The following CFAP20DC variants were observed in gnomAD, a reference collection of about 807,000 sequenced individuals.
CFAP20DC encodes protein CFAP20DC.
CFAP20DC carries 84 observed loss-of-function variants against 101.7 expected under a neutral mutation model. The observed-to-expected ratio is 0.83, with a 90% confidence interval of 0.69 to 0.99. The LOEUF is 0.99. Ranked by LOEUF, CFAP20DC falls within the 50% of genes least tolerant of loss-of-function variation. CFAP20DC has a pLI of 0.00. For synonymous variants in CFAP20DC, 359 were observed against 351.2 expected (o/e 1.02, Z -0.25); for missense variants, 1,007 against 970.3 (o/e 1.04, Z -0.50).
rs752516311 is a variant in CFAP20DC, at chr3:58,793,807, G to A, written c.2237+12588C>T. 2.0e-5 allele frequency among the ~76,000 whole-genome samples: 3 copies of A among 152,226 alleles called. No homozygotes were observed. In the South Asian group the frequency reaches 6.2e-4, roughly 32 times the overall value. ...CTTAAGCTGAGACTTTCATTTTATCGTAGTATTGAGATCAGACCAGGCCAG... is the reference window on the plus strand; with the variant it reads ...CTTAAGCTGAGACTTTCATTTTATCATAGTATTGAGATCAGACCAGGCCAG... On this transcript the variant is annotated intron_variant, in intron 15 of 16. Transcript: ENST00000482387.
rs75073883 is a variant in CFAP20DC, at chr3:58,967,442, C to T, written c.279-29680G>A. ...ATAAAATAAGTGAAAATCTTCATGC[C>T]CTCAGGATAGGTAGTAGTTTCTTAG... On this transcript the variant is annotated intron_variant, in intron 4 of 16. Coordinates refer to ENST00000482387, the MANE Select transcript of CFAP20DC (RefSeq NM_001394063.1). Among the ~76,000 whole-genome samples, 1,463 of 152,050 alleles carry T rather than the reference C, an allele frequency of 9.6e-3. 22 individuals are homozygous for T. Among genetic ancestry groups the T allele is most frequent in the African/African-American group, 0.034 (1,395 of 41,464 alleles).
chr3:58,741,535 T>C (rs1169070265), downstream of CFAP20DC, among the ~76,000 whole-genome samples: 1 of 151,948 alleles, frequency 6.6e-6, no homozygotes, highest in East Asian at 1.9e-4. Context: ...CTCGCTCTGT[T>C]GCCCAGGCTG....
intron 4 of CFAP20DC, among the ~76,000 whole-genome samples, chr3:58,980,904 G>A (rs937667263): frequency 2.2e-4 from 34 of 152,168 alleles, no homozygotes; most frequent in Admixed American, 5.9e-4. Flanking sequence ...TAGGAAAACA[G>A]GAAGACAAAT....
intron 5 of CFAP20DC, among the ~76,000 whole-genome samples, chr3:58,923,503 A>G (rs76138524): frequency 0.051 from 7,745 of 152,224 alleles, 365 homozygotes; most frequent in African/African-American, 0.12. Flanking sequence ...AGAATTCTAG[A>G]TTGACAAATA....
intron 4 of CFAP20DC, chr3:58,953,748 A>C (rs2090368137): frequency 6.6e-6 from 1 of 152,186 alleles, no homozygotes; most frequent in Non-Finnish European, 1.5e-5. Context: ...TAGTTGCTGC[A>C]AGGAGGCTGC....
chr3:58,997,887 TA>T (rs2108706195), intron 4 of CFAP20DC, among the ~76,000 whole-genome samples: 1 of 152,124 alleles, frequency 6.6e-6, no homozygotes, highest in Admixed American at 6.5e-5. Flanking sequence ...GGAGTGGGTA[TA>T]GGGGGGTCCA....
intron 4 of CFAP20DC, among the ~76,000 whole-genome samples, chr3:58,994,127 T>C (rs1009593285): frequency 6.6e-6 from 1 of 152,174 alleles, no homozygotes. Context: ...AATAAAAACC[T>C]ATCTTCCTAG....
At chr3:58,998,497 T>C (rs1184959296) in intron 4 of CFAP20DC, among the ~76,000 whole-genome samples, 2 of 152,220 alleles carry the variant, frequency 1.3e-5, no homozygotes, top group African/African-American at 4.8e-5. Context: ...GTCCTTACCA[T>C]GTGCCAGGAA....
In CFAP20DC at chr3:58,861,854, A is replaced by G. The variant is rs1002203863; in HGVS notation, c.1593+1704T>C. On this transcript the variant is annotated intron_variant, in intron 12 of 16. Coordinates refer to ENST00000482387, the MANE Select transcript of CFAP20DC (RefSeq NM_001394063.1). This position sits in a 1 kb window ranked among gnomAD's most constrained non-coding sequence, Gnocchi z 4.0. ...GGGTGACCAGATAGCCCTGCCAGTG[A>G]AAGCTTGGGTAATGCATGATAAATT... 3 of 985,362 alleles carry G rather than the reference A, an allele frequency of 3.0e-6. No individual in the cohort carries two copies. In the African/African-American group the frequency reaches 5.2e-5, roughly 17 times the overall value. 61.0% of individuals were successfully genotyped at this position (985,362 alleles called of 1,614,324 possible). A position where few individuals can be genotyped will look rare whatever the true frequency, so the allele number is the denominator to read the frequency against.
intron 6 of CFAP20DC, among the ~76,000 whole-genome samples, chr3:58,903,804 G>T (rs2083363577): frequency 1.3e-5 from 2 of 152,138 alleles, no homozygotes; most frequent in Admixed American, 1.3e-4. Flanking sequence ...TTTGGGTGGG[G>T]ACACAGCCAA....
intron 15 of CFAP20DC, among the ~76,000 whole-genome samples, chr3:58,763,206 G>T: frequency 6.6e-6 from 1 of 152,084 alleles, no homozygotes; most frequent in East Asian, 1.9e-4. Context: ...TTTTCACATA[G>T]TCCCATATTT....
intron 14 of CFAP20DC, among the ~76,000 whole-genome samples, chr3:58,829,727 G>A (rs1026839314): frequency 6.6e-6 from 1 of 152,158 alleles, no homozygotes; most frequent in Non-Finnish European, 1.5e-5. Context: ...GAGTGGAATA[G>A]ATGTCATGCA....
In CFAP20DC at chr3:58,892,460, C is replaced by T. The variant is rs2082329146; in HGVS notation, c.551-7751G>A. ...TTTTCATGATATTGATTCTTCCTAT[C>T]CATGAGCATGGAATGTTTTTCCATT... On this transcript the variant is annotated intron_variant, in intron 6 of 16. Coordinates refer to ENST00000482387, the MANE Select transcript of CFAP20DC (RefSeq NM_001394063.1). This position sits in a 1 kb window ranked among gnomAD's most constrained non-coding sequence, Gnocchi z 4.0. Among the ~76,000 whole-genome samples the T allele has an allele frequency of 6.6e-6, 1 of 152,156 alleles. No homozygotes were observed. Among genetic ancestry groups the T allele is most frequent in the South Asian group, 2.1e-4 (1 of 4,824 alleles).
chr3:58,803,234 T>C (rs548925923), intron 15 of CFAP20DC, among the ~76,000 whole-genome samples: 1 of 152,310 alleles, frequency 6.6e-6, no homozygotes, highest in African/African-American at 2.4e-5. Flanking sequence ...ACCCCGTCTC[T>C]GCCATATTGG....
In CFAP20DC at chr3:58,769,785, A is replaced by T. The variant is rs1310183119; in HGVS notation, c.2238-15922T>A. On this transcript the variant is annotated intron_variant, in intron 15 of 16. Coordinates refer to ENST00000482387, the MANE Select transcript of CFAP20DC (RefSeq NM_001394063.1). ...TAGCAAAAGGCGGGAAACACGATGC[A>T]TAAACAACTACTACTGTGTTTTCAT... Among the ~76,000 whole-genome samples, 7 of 152,350 alleles carry T rather than the reference A, an allele frequency of 4.6e-5. No homozygotes were observed. The East Asian group carries it at 9.7e-4, about 21-fold the overall frequency.
At chr3:58,922,819 A>G (rs978829625) in intron 5 of CFAP20DC, among the ~76,000 whole-genome samples, 5 of 151,794 alleles carry the variant, frequency 3.3e-5, no homozygotes, top group African/African-American at 1.2e-4. Flanking sequence ...TTTTTTTTCA[A>G]TCGTTTCATT....
intron 4 of CFAP20DC, among the ~76,000 whole-genome samples, chr3:59,012,580 TACCACAGTAAAGCTCATGG>T (rs2093608183): frequency 6.6e-6 from 1 of 152,220 alleles, no homozygotes; most frequent in African/African-American, 2.4e-5. Flanking sequence ...AGACCTTCAA[TACCACAGTAAAGCTCATGG>T]AAGGCTTTTA....
chr3:58,957,766 T>C (rs1037720800), intron 4 of CFAP20DC, among the ~76,000 whole-genome samples: 3 of 152,192 alleles, frequency 2.0e-5, no homozygotes, highest in African/African-American at 4.8e-5. Flanking sequence ...AAACATTGAA[T>C]GTTCTGACCT....
chr3:58,972,998 A>G (rs544562378), intron 4 of CFAP20DC, among the ~76,000 whole-genome samples: 2 of 152,186 alleles, frequency 1.3e-5, no homozygotes, highest in Non-Finnish European at 2.9e-5. Flanking sequence ...ATATTATTTA[A>G]ACAATATTTG....
Sources: allele counts gnomAD v4.1 joint callset (sites outside exome capture counted in the v4.1 genomes callset), GRCh38; gene constraint gnomAD v4.1.1; non-coding constraint Gnocchi (gnomAD v3.1); transcripts MANE v1.5; gene names NCBI Gene and HGNC (gene_info 2026-07-23, HGNC 2026-07-21).